The following TNR variants were observed in gnomAD, a reference collection of about 807,000 sequenced individuals.
TNR encodes tenascin R, also known as tenascin-R.
A neutral mutation model predicts 150.4 loss-of-function variants in TNR; 45 were observed. The observed-to-expected ratio is 0.30, with a 90% CI of 0.24 to 0.38. The LOEUF is 0.38. Among genes scored for constraint, TNR ranks in the 10% least tolerant of loss-of-function variants. The probability of loss-of-function intolerance (pLI) is 1.00; values close to 1 mark genes in which losing one functional copy is unlikely to be tolerated. For synonymous variants in TNR, 687 were observed against 678.4 expected (o/e 1.01, Z -0.20); for missense variants, 1,544 against 1,759.1 (o/e 0.88, Z 2.19).
At chr1:175,613,531 G>A (rs1663667362) in intron 1 of TNR, among the ~76,000 whole-genome samples, 1 of 151,634 alleles carries the variant, frequency 6.6e-6, no homozygotes, top group Non-Finnish European at 1.5e-5. Context: ...AATCTCACTG[G>A]CATGATTGGA....
intron 9 of TNR, among the ~76,000 whole-genome samples, chr1:175,373,825 G>A (rs1652238815): frequency 6.6e-6 from 1 of 152,110 alleles, no homozygotes; most frequent in Non-Finnish European, 1.5e-5. Context: ...AGACAAATAA[G>A]GAATAGGCCC....
intron 2 of TNR, among the ~76,000 whole-genome samples, chr1:175,514,356 C>T (rs970704121): frequency 6.6e-6 from 1 of 152,202 alleles, no homozygotes; most frequent in Non-Finnish European, 1.5e-5. Flanking sequence ...ACATGTTCTC[C>T]CCGAGAGCCT....
chr1:175,396,899 G>A (rs1030273567), intron 4 of TNR, 92 bp from the exon 5 acceptor site: 3 of 1,497,758 alleles, frequency 2.0e-6, no homozygotes, highest in East Asian at 2.3e-5. Context: ...CACCCCCCAT[G>A]CCATGTCTAT....
chr1:175,607,371 G>A (rs1238072425), intron 1 of TNR, among the ~76,000 whole-genome samples: 2 of 152,190 alleles, frequency 1.3e-5, no homozygotes, highest in Non-Finnish European at 2.9e-5. Flanking sequence ...TGCAACCCAA[G>A]AGTCAACATG....
intron 1 of TNR, among the ~76,000 whole-genome samples, chr1:175,724,456 A>G (rs888948071): frequency 2.6e-5 from 4 of 152,246 alleles, no homozygotes; most frequent in South Asian, 2.1e-4. Flanking sequence ...TTCATGATAA[A>G]TCTATTCCCA....
At chr1:175,335,867 G>T in intron 19 of TNR, 60 bp from the exon 20 acceptor site, 2 of 1,460,938 alleles carry the variant, frequency 1.4e-6, no homozygotes, top group Non-Finnish European at 1.9e-6. Flanking sequence ...CCAAAGAGAT[G>T]CTAAGGAAAA....
chr1:175,419,638 C>T (rs776039238), intron 2 of TNR, among the ~76,000 whole-genome samples: 5 of 152,102 alleles, frequency 3.3e-5, no homozygotes, highest in African/African-American at 7.2e-5. Context: ...CCCACCACCA[C>T]GCCCGGCTAA....
chr1:175,620,174 C>A (rs901657545), intron 1 of TNR, among the ~76,000 whole-genome samples: 1 of 152,204 alleles, frequency 6.6e-6, no homozygotes, highest in Admixed American at 6.5e-5. Context: ...TGGCACAGAA[C>A]TCTTTCTCCC....
intron 1 of TNR, among the ~76,000 whole-genome samples, chr1:175,619,078 C>G (rs1478811698): frequency 6.6e-6 from 1 of 152,104 alleles, no homozygotes; most frequent in Middle Eastern, 3.2e-3. Flanking sequence ...ACCTTGCTGC[C>G]CTGGGGTGCT....
chr1:175,604,285 T>A (rs1455784369), intron 1 of TNR, among the ~76,000 whole-genome samples: 1 of 152,142 alleles, frequency 6.6e-6, no homozygotes, highest in African/African-American at 2.4e-5. Flanking sequence ...CAGGTGCAGT[T>A]CTAATAATAG....
intron 6 of TNR, among the ~76,000 whole-genome samples, chr1:175,393,497 C>T (rs1285487328): frequency 1.3e-5 from 2 of 152,168 alleles, no homozygotes; most frequent in Non-Finnish European, 2.9e-5. Context: ...TCATCAGACC[C>T]CAGAGTTATC....
chr1:175,514,836 G>A (rs1308522380), intron 2 of TNR, among the ~76,000 whole-genome samples: 9 of 152,106 alleles, frequency 5.9e-5, no homozygotes, highest in Non-Finnish European at 8.8e-5. Context: ...TGTGCAGAGC[G>A]GGGGAGATTT....
rs183827274 is a variant in TNR at position 175,602,083 on chromosome 1, G to A, written c.-164-73714C>T. Reference sequence around the variant, plus strand: ...GTCAACCAGACTCTCCTCTGAGTGGGTTTGGAAAGTATGTGGATCTGCTTT... The same window carrying A: ...GTCAACCAGACTCTCCTCTGAGTGGATTTGGAAAGTATGTGGATCTGCTTT... On this transcript the variant is annotated intron_variant, in intron 1 of 22. Coordinates refer to ENST00000367674, the MANE Select transcript of TNR (RefSeq NM_003285.3). Among the ~76,000 whole-genome samples, 258 of 151,986 alleles carry A rather than the reference G, an allele frequency of 1.7e-3. 2 individuals are homozygous for A. Among genetic ancestry groups the A allele is most frequent in the Non-Finnish European group, 2.6e-3 (178 of 67,978 alleles).
intron 2 of TNR, among the ~76,000 whole-genome samples, chr1:175,504,380 C>A (rs1658864878): frequency 6.6e-6 from 1 of 152,016 alleles, no homozygotes; most frequent in Non-Finnish European, 1.5e-5. Flanking sequence ...GATAACTGCT[C>A]CACCCAAGCA....
In TNR at chr1:175,710,725, T is replaced by C. The variant is rs544026433; in HGVS notation, c.-165+32501A>G. On this transcript the variant is annotated intron_variant, in intron 1 of 22. Transcript: ENST00000367674. ...CACTTTTTTAAAATGACTGCAACAG[T>C]CTGGTCTCAGGAGTCTCACTCACTC... is the stretch of plus-strand genomic sequence containing the variant. Among the ~76,000 whole-genome samples, 6 of 152,250 alleles carry C rather than the reference T, an allele frequency of 3.9e-5. No homozygotes were observed. The South Asian group carries it at 1.2e-3, about 32-fold the overall frequency.
chr1:175,345,219 C>A (rs746863913), intron 18 of TNR, among the ~76,000 whole-genome samples: 1 of 152,132 alleles, frequency 6.6e-6, no homozygotes, highest in Non-Finnish European at 1.5e-5. Context: ...GTCTGTTTTG[C>A]TTGTCTTTCA....
chr1:175,433,859 G>A (rs541559981), intron 2 of TNR, among the ~76,000 whole-genome samples: 10 of 152,312 alleles, frequency 6.6e-5, no homozygotes, highest in East Asian at 3.9e-4. Flanking sequence ...CATCCATTGC[G>A]TCACGGAGAC....
chr1:175,542,731 C>G (rs1452032125), intron 1 of TNR, among the ~76,000 whole-genome samples: 3 of 149,254 alleles, frequency 2.0e-5, no homozygotes, highest in Admixed American at 6.6e-5. Context: ...GGTCCAAAGT[C>G]TTTACTTATC....
chr1:175,485,506 T>C (rs1657973920), intron 2 of TNR, among the ~76,000 whole-genome samples: 1 of 152,130 alleles, frequency 6.6e-6, no homozygotes, highest in African/African-American at 2.4e-5. Flanking sequence ...TTACATCCAA[T>C]TTCAGGGTCC....
Sources: allele counts gnomAD v4.1 joint callset (sites outside exome capture counted in the v4.1 genomes callset), GRCh38; gene constraint gnomAD v4.1.1; transcripts MANE v1.5; gene names NCBI Gene and HGNC (gene_info 2026-07-23, HGNC 2026-07-21).